Variants in ANXA4 observed in about 807,000 individuals in gnomAD.
The protein encoded by ANXA4 is 35-beta calcimedin.
Under a neutral mutation model 49.8 loss-of-function variants are expected in ANXA4, and 39 were observed. That is an observed-to-expected ratio of 0.78 (90% CI 0.61 to 1.02). ANXA4 has a LOEUF of 1.02. Among genes scored for constraint, ANXA4 ranks in the 50% least tolerant of loss-of-function variants. The pLI is 0.00. For synonymous variants in ANXA4, 134 were observed against 152.5 expected (o/e 0.88, Z 0.89); for missense variants, 360 against 410.1 (o/e 0.88, Z 1.05).
chr2:69,696,212 T>C (rs1257229521), intron 2 of ANXA4, among the ~76,000 whole-genome samples: 1 of 152,206 alleles, frequency 6.6e-6, no homozygotes, highest in African/African-American at 2.4e-5. Flanking sequence ...ATCAACTAAG[T>C]TTATGGAACA....
Position 69,770,054 on chromosome 2 carries a change from G to T in ANXA4, c.-46-11466G>T, listed in dbSNP as rs190565869. Among the ~76,000 whole-genome samples, 416 of 152,302 alleles carry T rather than the reference G, an allele frequency of 2.7e-3. 7 individuals are homozygous for T. Among genetic ancestry groups the T allele is most frequent in the Admixed American group, 5.2e-3 (79 of 15,298 alleles). On this transcript the variant is annotated intron_variant, in intron 1 of 12. Transcript: ENST00000394295. ...ATAACTGGCCAAAATATGGACAAAAGACCGTCCGTAAGTTACTAGCTGGGT... is the reference window on the plus strand; with the variant it reads ...ATAACTGGCCAAAATATGGACAAAATACCGTCCGTAAGTTACTAGCTGGGT...
At position 69,826,900 on chromosome 2, in the gene ANXA4, T is replaced by C. The variant is rs1674495031; in HGVS notation, c.*1385T>C. The stretch of plus-strand genomic sequence containing the variant: ...AGGAGCTATTTTTGAAGGACTTGTG[T>C]TACTCAGTTTCTACAGGAATTACAA... On this transcript the variant is annotated 3_prime_UTR_variant, in exon 13 of 13. Transcript: ENST00000394295. 6.6e-6 allele frequency: 1 copy of C among 151,978 alleles called. No individual in the cohort carries two copies. Among genetic ancestry groups the C allele is most frequent in the East Asian group, 1.9e-4 (1 of 5,200 alleles). The allele number at this position is 151,978 out of a possible 1,614,324, so 9.4% of individuals were successfully genotyped here.
At chr2:69,649,176 G>A (rs192861467) in intron 1 of ANXA4, among the ~76,000 whole-genome samples, 38 of 152,070 alleles carry the variant, frequency 2.5e-4, no homozygotes, top group African/African-American at 5.8e-4. Context: ...GTGAGCCACC[G>A]CGCCCAGCCT....
chr2:69,814,342 C>CTTTT (rs781253870), intron 8 of ANXA4, among the ~76,000 whole-genome samples: 2,580 of 97,242 alleles, frequency 0.027, 181 homozygotes, highest in African/African-American at 0.048. Context: ...GTATTTTATT[C>CTTTT]TTTTTTTTTT....
At chr2:69,737,744 T>C (rs1670280378), upstream of ANXA4, among the ~76,000 whole-genome samples, 1 of 152,134 alleles carries the variant, frequency 6.6e-6, no homozygotes. Context: ...GACTACAGGC[T>C]CATGTCATCG....
At chr2:69,805,108 T>C (rs1009885349) in intron 4 of ANXA4, among the ~76,000 whole-genome samples, 2 of 149,420 alleles carry the variant, frequency 1.3e-5, no homozygotes, top group Non-Finnish European at 3.0e-5. Context: ...TCAATTGATC[T>C]TAAACAAGTT....
chr2:69,754,639 A>G (rs1670976236), intron 1 of ANXA4, among the ~76,000 whole-genome samples: 1 of 152,178 alleles, frequency 6.6e-6, no homozygotes, highest in African/African-American at 2.4e-5. Context: ...GGGCCTAAGA[A>G]TTGTACTTTG....
chr2:69,651,397 G>A (rs1215660701), intron 1 of ANXA4, among the ~76,000 whole-genome samples: 1 of 152,124 alleles, frequency 6.6e-6, no homozygotes, highest in African/African-American at 2.4e-5. Flanking sequence ...TCATTACCTT[G>A]TCTAGTTTCT....
intron 2 of ANXA4, among the ~76,000 whole-genome samples, chr2:69,787,509 T>C (rs1407881226): frequency 6.6e-6 from 1 of 152,220 alleles, no homozygotes; most frequent in Non-Finnish European, 1.5e-5. Flanking sequence ...AATTTGTTTT[T>C]GGCTCTAGAG....
upstream of ANXA4, among the ~76,000 whole-genome samples, chr2:69,644,167 C>T (rs576489069): frequency 0.014 from 270 of 18,890 alleles, 39 homozygotes; most frequent in African/African-American, 0.04. Context: ...AACTAAGTTC[C>T]CCCCCCCCCC....
chr2:69,772,135 A>C (rs1299533805), intron 1 of ANXA4, among the ~76,000 whole-genome samples: 1 of 152,226 alleles, frequency 6.6e-6, no homozygotes, highest in African/African-American at 2.4e-5. Flanking sequence ...TGATGCTTTT[A>C]GAGTTATTTG....
chr2:69,650,584 T>C (rs1294428912), intron 1 of ANXA4, among the ~76,000 whole-genome samples: 1 of 152,152 alleles, frequency 6.6e-6, no homozygotes, highest in East Asian at 1.9e-4. Flanking sequence ...CTCAGCTTCC[T>C]GTATAACTGG....
At chr2:69,671,568 T>C (rs1009818583) in intron 2 of ANXA4, among the ~76,000 whole-genome samples, 1 of 151,978 alleles carries the variant, frequency 6.6e-6, no homozygotes, top group Non-Finnish European at 1.5e-5. Context: ...AATACAAAAA[T>C]ACAAATTAAC....
At position 69,725,281 on chromosome 2, in the gene ANXA4, T is replaced by G. The variant is rs555775822; in HGVS notation, n.864+4410T>G. ...TTTTAGCATTAATCATTTCGGCATC[T>G]TTTTATTTGAGGCATCATTTATATA... On this transcript the variant is annotated intron_variant and non_coding_transcript_variant, in intron 3 of 3. Coordinates refer to the ANXA4 transcript ENST00000418066. 1.0e-3 allele frequency among the ~76,000 whole-genome samples: 153 copies of G among 151,620 alleles called. 1 individual carries two copies. Among genetic ancestry groups the G allele is most frequent in the Non-Finnish European group, 1.9e-3 (130 of 67,882 alleles).
At chr2:69,768,694 G>A (rs577919511) in intron 1 of ANXA4, among the ~76,000 whole-genome samples, 3 of 152,314 alleles carry the variant, frequency 2.0e-5, no homozygotes, top group African/African-American at 7.2e-5. Context: ...TCCCATGATA[G>A]AAATAATCAG....
chr2:69,771,434 C>T (rs1487873889), intron 1 of ANXA4, among the ~76,000 whole-genome samples: 2 of 152,236 alleles, frequency 1.3e-5, no homozygotes, highest in Non-Finnish European at 2.9e-5. Context: ...AAGCCTGCTT[C>T]AACCCAGGAG....
At chr2:69,699,184 G>A (rs921358662) in intron 2 of ANXA4, among the ~76,000 whole-genome samples, 2 of 152,136 alleles carry the variant, frequency 1.3e-5, no homozygotes, top group African/African-American at 4.8e-5. Flanking sequence ...GGAGGACCTG[G>A]GCCTAGAGCC....
rs188995934 is a variant in ANXA4 at position 69,698,022 on chromosome 2, A to G, written n.767-22752A>G. Among the ~76,000 whole-genome samples, 302 of 152,192 alleles carry G rather than the reference A, an allele frequency of 2.0e-3. 1 individual carries two copies. The highest frequency in any genetic ancestry group is 7.0e-3 in the African/African-American group (291 of 41,518). On this transcript the variant is annotated intron_variant and non_coding_transcript_variant, in intron 2 of 3. Coordinates refer to the ANXA4 transcript ENST00000418066. ...AGAATACTATAGATTGAGTGGTTTA[A>G]AAACAACAGAAATTTATTTCTCACA...
intron 3 of ANXA4, among the ~76,000 whole-genome samples, chr2:69,735,097 C>T (rs755744894): frequency 8.5e-5 from 13 of 152,202 alleles, no homozygotes; most frequent in Non-Finnish European, 1.6e-4. Flanking sequence ...TGCTTCTAAC[C>T]TCACAAGCTA....
Sources: gnomAD v4.1 joint callset for allele counts (sites outside exome capture counted in the v4.1 genomes callset) on GRCh38, gnomAD v4.1.1 for gene constraint, MANE v1.5 for transcripts, NCBI Gene and HGNC (gene_info 2026-07-23, HGNC 2026-07-21) for gene names.